The following PAPLN variants were observed in gnomAD, a reference collection of about 807,000 sequenced individuals.
PAPLN encodes papilin.
PAPLN carries 146 observed loss-of-function variants against 159.0 expected under a neutral mutation model. The observed-to-expected ratio is 0.92, with a 90% CI of 0.80 to 1.05. The LOEUF (loss-of-function observed/expected upper bound fraction) is 1.05. Ranked by LOEUF, PAPLN falls within the 50% of genes least tolerant of loss-of-function variation. The pLI, the probability that PAPLN is intolerant of heterozygous loss-of-function variation, is 0.00. For missense variants in PAPLN, 1,720 were observed against 1,743.9 expected, an observed-to-expected ratio of 0.99 and a Z score of 0.24; for synonymous variants, 734 against 702.9, an observed-to-expected ratio of 1.04 and a Z score of -0.70.
intron 2 of PAPLN, among the ~76,000 whole-genome samples, chr14:73,242,007 G>A (rs990788649): frequency 6.6e-6 from 1 of 152,274 alleles, no homozygotes; most frequent in Non-Finnish European, 1.5e-5. Flanking sequence ...CAGGCCCCAG[G>A]TGAGGCTGGC....
At chr14:73,255,158 C>T (rs915925660) in intron 14 of PAPLN, 140 bp downstream of exon 14, 66 of 1,257,302 alleles carry the variant, frequency 5.2e-5, no homozygotes, top group East Asian at 2.1e-4. Context: ...TGTCTCCCCC[C>T]GCTGAACCCT....
In PAPLN at chr14:73,238,388, G is replaced by A. The variant is rs1340027186; in HGVS notation, c.-7+796G>A. Among the ~76,000 whole-genome samples the A allele has an allele frequency of 7.2e-5, 11 of 152,366 alleles. No homozygotes were observed. In the East Asian group the frequency reaches 2.1e-3, roughly 29 times the overall value. ...TCCACGGCCCTCGGAGTAGCCCCGT[G>A]ACCAGACCCGGACTGGCCTTGGAGT... On this transcript the variant is annotated intron_variant, in intron 1 of 26. Coordinates refer to ENST00000644200, the MANE Select transcript of PAPLN (RefSeq NM_001365906.3).
intron 25 of PAPLN, among the ~76,000 whole-genome samples, chr14:73,268,129 A>G (rs1887398378): frequency 6.6e-6 from 1 of 151,448 alleles, no homozygotes; most frequent in Non-Finnish European, 1.5e-5. Context: ...TGCTCCAGGA[A>G]CTACTGTCTT....
intron 2 of PAPLN, 106 bp from the exon 3 acceptor site, chr14:73,244,538 G>A: frequency 1.1e-6 from 1 of 943,894 alleles, no homozygotes; most frequent in South Asian, 1.5e-5. Context: ...GAGAATCCCA[G>A]ACTCCTTGAT....
Position 73,272,560 on chromosome 14 carries a change from G to A in PAPLN, c.3733G>A (p.Asp1245Asn), listed in dbSNP as rs1389390009. The A allele has an allele frequency of 6.2e-7, 1 of 1,601,690 alleles. No homozygotes were observed. The highest frequency in any genetic ancestry group is 8.5e-7 in the Non-Finnish European group (1 of 1,169,830). The change falls in exon 27 of 27, where the codon GAT becomes AAT. Residue 1245 changes from aspartate (D) to asparagine (N), a missense_variant. By Grantham distance (23) the Asp-to-Asn change is conservative. Coordinates refer to ENST00000644200, the MANE Select transcript of PAPLN (RefSeq NM_001365906.3). ...CVDQPELANC[D>N]LILQAQLCGN... Reference sequence around the variant, plus strand: ...CGACCAGCCAGAGCTGGCCAACTGTGATTTGATCCTGCAGGCCCAGCTTTG... The same window carrying A: ...CGACCAGCCAGAGCTGGCCAACTGTAATTTGATCCTGCAGGCCCAGCTTTG...
In PAPLN at chr14:73,260,733, A is replaced by T. The variant is rs1886482458; in HGVS notation, c.2010A>T (p.Val670=). ...QSRYGCCPDR[V]SVAEGPHHAG... is the part of the protein sequence containing the mutation. ...GGTACGGGTGCTGCCCTGACAGGGT[A>T]TCTGTCGCTGAGGGGCCCCATCACG... Residue 670 remains valine (V), a synonymous_variant, in exon 17 of 27, where the codon GTA becomes GTT. Coordinates refer to ENST00000644200, the MANE Select transcript of PAPLN (RefSeq NM_001365906.3). The T allele has an allele frequency of 6.8e-7, 1 of 1,470,658 alleles. No individual in the cohort carries two copies. The highest frequency in any genetic ancestry group is 1.5e-5 in the South Asian group (1 of 66,280). 91.1% of individuals were successfully genotyped at this position (1,470,658 alleles called of 1,614,324 possible). A position where few individuals can be genotyped will look rare whatever the true frequency, so the allele number is the denominator to read the frequency against.
intron 21 of PAPLN, 56 bp downstream of exon 21, chr14:73,264,391 C>G: frequency 6.3e-7 from 1 of 1,579,886 alleles, no homozygotes; most frequent in Non-Finnish European, 8.6e-7. Flanking sequence ...GTGGGAAGGC[C>G]AGGATGGGGA....
At chr14:73,270,890 C>T (rs1887657922) in intron 26 of PAPLN, among the ~76,000 whole-genome samples, 1 of 152,132 alleles carries the variant, frequency 6.6e-6, no homozygotes, top group African/African-American at 2.4e-5. Context: ...TGACCCTGCC[C>T]TACTCATGGT....
Position 73,253,814 on chromosome 14 carries a change from C to T in PAPLN, c.1155C>T (p.Arg385=), listed in dbSNP as rs775873800. The T allele has an allele frequency of 2.4e-5, 38 of 1,613,472 alleles. No individual in the cohort carries two copies. The highest frequency in any genetic ancestry group is 3.1e-5 in the Non-Finnish European group (36 of 1,179,882). ...SASCGGGSQS[R]SVYCISSDGA... is the part of the protein sequence containing the mutation. ...CCTGTGGAGGAGGCTCCCAGTCCCG[C>T]TCCGTGTACTGCATCTCGTCTGACG... Residue 385 remains arginine, a synonymous_variant, in exon 12 of 27, where the codon CGC becomes CGT. Transcript: ENST00000644200.
rs1887074920 is a variant in PAPLN at position 73,265,018 on chromosome 14, TGAG to T, written c.3125+295_3125+297del. The stretch of plus-strand genomic sequence containing the variant: ...TTTGAGGAGCGTCTTGAGCTGGCCT[TGAG>T]GAATGGTTCAGTTTACAGAGGGGGT... On this transcript the variant is annotated intron_variant, in intron 22 of 26. Coordinates refer to ENST00000644200, the MANE Select transcript of PAPLN (RefSeq NM_001365906.3). The surrounding 1 kb of genome is among the most constrained non-coding windows in gnomAD (Gnocchi z 4.1). Among the ~76,000 whole-genome samples, 1 of 151,652 alleles carries T rather than the reference TGAG, an allele frequency of 6.6e-6. No individual in the cohort carries two copies. Among genetic ancestry groups the T allele is most frequent in the African/African-American group, 2.4e-5 (1 of 41,194 alleles).
At chr14:73,253,029 T>A (rs1351816729) in intron 11 of PAPLN, 1 of 1,106,548 alleles carries the variant, frequency 9.0e-7, no homozygotes, top group Admixed American at 2.1e-5. Context: ...GGCAGGAGGG[T>A]TGGAGAAGGT....
intron 14 of PAPLN, 81 bp from the exon 15 acceptor site, chr14:73,258,898 G>A: frequency 7.5e-7 from 1 of 1,331,132 alleles, no homozygotes; most frequent in South Asian, 1.6e-5. Context: ...AGAAGCCAGT[G>A]CTGGGCAGGG....
intron 11 of PAPLN, chr14:73,253,240 C>T (rs1409086250): frequency 7.4e-7 from 1 of 1,358,184 alleles, no homozygotes. Context: ...ACCTGCAGGT[C>T]ACAGGCTCCC....
chr14:73,245,925 CG>C lies in PAPLN; in HGVS notation c.232-143del. 1.1e-6 allele frequency: 1 copy of C among 904,962 alleles called. No homozygotes were observed. Among genetic ancestry groups the C allele is most frequent in the Non-Finnish European group, 1.6e-6 (1 of 619,836 alleles). The allele number at this position is 904,962 out of a possible 1,614,324, so 56.1% of individuals were successfully genotyped here. On this transcript the variant is annotated intron_variant, in intron 4 of 26. Coordinates refer to ENST00000644200, the MANE Select transcript of PAPLN (RefSeq NM_001365906.3). The surrounding 1 kb of genome is among the most constrained non-coding windows in gnomAD (Gnocchi z 4.2). ...CCATGGAGGGGCACGCACAGGAGTT[CG>C]GGGGTCCGGGGGGCGGACTCCACCT...
chr14:73,250,183 C>G, intron 6 of PAPLN, 69 bp downstream of exon 6: 1 of 1,484,074 alleles, frequency 6.7e-7, no homozygotes, highest in Middle Eastern at 2.3e-4. Flanking sequence ...TTTCCCTGTC[C>G]ATCACCCATA....
intron 14 of PAPLN, among the ~76,000 whole-genome samples, chr14:73,258,371 T>G (rs1371504375): frequency 6.6e-6 from 1 of 152,170 alleles, no homozygotes; most frequent in Non-Finnish European, 1.5e-5. Context: ...TTAATTGGAT[T>G]GTTTGCCTTT....
chr14:73,251,687 T>C lies in PAPLN; in HGVS notation c.694T>C (p.Tyr232His). The C allele has an allele frequency of 1.2e-6, 2 of 1,613,470 alleles. No homozygotes were observed. Among genetic ancestry groups the C allele is most frequent in the Non-Finnish European group, 1.7e-6 (2 of 1,180,000 alleles). The change falls in exon 9 of 27, where the codon TAC (tyrosine) becomes CAC (histidine). Residue 232 changes from tyrosine to histidine, a missense_variant. Tyr to His is a moderately conservative substitution (Grantham distance 83, BLOSUM62 2). Coordinates refer to ENST00000644200, the MANE Select transcript of PAPLN (RefSeq NM_001365906.3). Reference protein sequence around the residue: ...FLAVKNVRGEYYLNGHWTIEA... With the variant: ...FLAVKNVRGEHYLNGHWTIEA... ...AGCTGTGAAGAATGTTCGTGGGGAA[T>C]ACTACCTCAATGGGCACTGGACCAT...
At chr14:73,237,136 C>A (rs548084610), upstream of PAPLN, among the ~76,000 whole-genome samples, 49 of 152,158 alleles carry the variant, frequency 3.2e-4, no homozygotes, top group Admixed American at 2.0e-4. Context: ...AACTCAGTTG[C>A]GGCTGAAGAA....
intron 26 of PAPLN, among the ~76,000 whole-genome samples, chr14:73,269,442 A>G (rs1168986120): frequency 1.3e-5 from 2 of 152,220 alleles, no homozygotes; most frequent in African/African-American, 4.8e-5. Context: ...TGTAAGATGC[A>G]TTATTTTTGT....
Sources: gnomAD v4.1 joint callset for allele counts (sites outside exome capture counted in the v4.1 genomes callset) on GRCh38, gnomAD v4.1.1 for gene constraint, Gnocchi (gnomAD v3.1) non-coding constraint, MANE v1.5 for transcripts, NCBI Gene and HGNC (gene_info 2026-07-23, HGNC 2026-07-21) for gene names.